KCNK3: variants seen among roughly 807,000 people sequenced by gnomAD.
The protein encoded by KCNK3 is potassium two pore domain channel subfamily K member 3, also known as potassium channel subfamily K member 3.
Under a neutral mutation model 27.3 loss-of-function variants are expected in KCNK3, and 9 were observed. The ratio of observed to expected loss-of-function variants is 0.33; its 90% CI spans 0.20 to 0.57. The LOEUF is 0.57. KCNK3 is among the 20% of genes least tolerant of loss of function. The pLI is 0.87. For synonymous variants in KCNK3, 278 were observed against 273.8 expected, an observed-to-expected ratio of 1.02 and a Z score of -0.15; for missense variants, 391 against 577.7, an observed-to-expected ratio of 0.68 and a Z score of 3.31.
In KCNK3 at chr2:26,721,049, C is replaced by A. The variant is rs907695912; in HGVS notation, c.284-6618C>A. Among the ~76,000 whole-genome samples, 1 of 152,088 alleles carries A rather than the reference C, an allele frequency of 6.6e-6. No homozygotes were observed. Among genetic ancestry groups the A allele is most frequent in the African/African-American group, 2.4e-5 (1 of 41,404 alleles). On this transcript the variant is annotated intron_variant, in intron 1 of 1. Coordinates refer to ENST00000302909, the MANE Select transcript of KCNK3 (RefSeq NM_002246.3). This position sits in a 1 kb window ranked among gnomAD's most constrained non-coding sequence, Gnocchi z 4.3. ...TATGAGTCACCCGAGGCCCTCCTGC[C>A]AAGGGCCACCTCCCGTCCCCATCCT... is the stretch of plus-strand genomic sequence containing the variant.
chr2:26,725,025 G>A (rs1039956320), intron 1 of KCNK3, among the ~76,000 whole-genome samples: 3 of 152,140 alleles, frequency 2.0e-5, no homozygotes, highest in African/African-American at 7.2e-5. Context: ...CAGTCACAGT[G>A]GGCAGTGAGG....
rs1663540191 is a variant in KCNK3 at position 26,731,478 on chromosome 2, T to G, written c.*2910T>G. 1 of 152,442 alleles carries G rather than the reference T, an allele frequency of 6.6e-6. No homozygotes were observed. The highest frequency in any genetic ancestry group is 6.5e-5 in the Admixed American group (1 of 15,288). 9.4% of individuals were successfully genotyped at this position (152,442 alleles called of 1,614,324 possible). ...CCAGCTACTCGGCTACTCAGGAGGC[T>G]GACGCACGAGAATCGCTTGAACCCG... On this transcript the variant is annotated 3_prime_UTR_variant, in exon 2 of 2. Transcript: ENST00000302909.
At chr2:26,696,398 G>T (rs1480686251) in intron 1 of KCNK3, among the ~76,000 whole-genome samples, 1 of 152,180 alleles carries the variant, frequency 6.6e-6, no homozygotes, top group Non-Finnish European at 1.5e-5. Flanking sequence ...TGGTCTTTTG[G>T]CTGCTTCCTT....
In KCNK3 at chr2:26,693,873, C is replaced by G. The variant is rs112133517; in HGVS notation, c.283+715C>G. Among the ~76,000 whole-genome samples, 7,050 of 152,166 alleles carry G rather than the reference C, an allele frequency of 0.046. 558 individuals carry two copies. The highest frequency in any genetic ancestry group is 0.16 in the African/African-American group (6,598 of 41,482). On this transcript the variant is annotated intron_variant, in intron 1 of 1. Coordinates refer to ENST00000302909, the MANE Select transcript of KCNK3 (RefSeq NM_002246.3). The surrounding 1 kb of genome is among the most constrained non-coding windows in gnomAD (Gnocchi z 5.5). ...GCAGATCACCATGTAGGAGGCCACA[C>G]GTACACCCAGACTGTCAGACAACAC...
At chr2:26,700,225 G>T (rs913794711) in intron 1 of KCNK3, among the ~76,000 whole-genome samples, 62 of 152,286 alleles carry the variant, frequency 4.1e-4, no homozygotes, top group Admixed American at 1.4e-3. Context: ...TGACCCCTCC[G>T]CCAGCCTCTG....
At chr2:26,720,197 G>A (rs1250229433) in intron 1 of KCNK3, among the ~76,000 whole-genome samples, 2 of 152,230 alleles carry the variant, frequency 1.3e-5, no homozygotes, top group Non-Finnish European at 2.9e-5. Flanking sequence ...GGAGGTTGCA[G>A]TGAGCTGAGG....
chr2:26,718,419 T>C (rs1663269820), intron 1 of KCNK3, among the ~76,000 whole-genome samples: 1 of 152,228 alleles, frequency 6.6e-6, no homozygotes, highest in African/African-American at 2.4e-5. Flanking sequence ...CCAGAAGAAC[T>C]TGTGCTGTTT....
At chr2:26,708,248 C>T (rs1198773856) in intron 1 of KCNK3, among the ~76,000 whole-genome samples, 1 of 152,124 alleles carries the variant, frequency 6.6e-6, no homozygotes, top group Non-Finnish European at 1.5e-5. Context: ...ATGCAAAGGC[C>T]TCAAGCAGGC....
intron 1 of KCNK3, among the ~76,000 whole-genome samples, chr2:26,715,053 T>A (rs1663204261): frequency 6.6e-6 from 1 of 152,218 alleles, no homozygotes; most frequent in Admixed American, 6.5e-5. Context: ...TCTCCTTAGC[T>A]GAAAAGCCAG....
intron 1 of KCNK3, among the ~76,000 whole-genome samples, chr2:26,706,284 GT>G (rs1471479916): frequency 6.6e-6 from 1 of 151,814 alleles, no homozygotes; most frequent in Non-Finnish European, 1.5e-5. Flanking sequence ...AGAGAAGGTC[GT>G]TTCCCCTCCC....
At chr2:26,727,381 C>A (rs1386181388) in intron 1 of KCNK3, among the ~76,000 whole-genome samples, 1 of 152,224 alleles carries the variant, frequency 6.6e-6, no homozygotes, top group Non-Finnish European at 1.5e-5. Context: ...TGAGGTCAAA[C>A]GGACTCGAGT....
intron 1 of KCNK3, among the ~76,000 whole-genome samples, chr2:26,701,587 A>G (rs1670308716): frequency 6.6e-6 from 1 of 152,238 alleles, no homozygotes; most frequent in Non-Finnish European, 1.5e-5. Context: ...AGCCTGTCTT[A>G]GTTTGGGCTG....
intron 1 of KCNK3, among the ~76,000 whole-genome samples, chr2:26,709,400 C>A (rs1360057748): frequency 6.6e-6 from 1 of 152,074 alleles, no homozygotes; most frequent in South Asian, 2.1e-4. Flanking sequence ...AGGAAGGGAG[C>A]CTGCCAGGAG....
chr2:26,712,261 C>T (rs1321037700), intron 1 of KCNK3, among the ~76,000 whole-genome samples: 2 of 152,180 alleles, frequency 1.3e-5, no homozygotes, highest in Non-Finnish European at 2.9e-5. Context: ...GCAGTGTCCC[C>T]GAGGATGGGG....
intron 1 of KCNK3, among the ~76,000 whole-genome samples, chr2:26,704,839 C>G (rs1004600380): frequency 6.6e-6 from 1 of 152,272 alleles, no homozygotes; most frequent in Non-Finnish European, 1.5e-5. Context: ...CCTCAGGGAG[C>G]CTGCCTCTGT....
At chr2:26,698,819 G>A (rs1265963781) in intron 1 of KCNK3, among the ~76,000 whole-genome samples, 1 of 152,150 alleles carries the variant, frequency 6.6e-6, no homozygotes, top group Non-Finnish European at 1.5e-5. Flanking sequence ...CAAGGGGCTG[G>A]GCGTGGTGGC....
rs549690582 is a variant in KCNK3, at chr2:26,727,808, G to A, written c.425G>A (p.Arg142His). The change falls in exon 2 of 2, where the codon CGC becomes CAC. Residue 142 changes from arginine (R) to histidine (H), a missense_variant. By Grantham distance (29) the Arg-to-His change is conservative (BLOSUM62 0). Around this residue, in one of 4 missense-constraint regions of KCNK3, gnomAD observed 158 missense variants for 267.7 expected, o/e 0.59. Coordinates refer to ENST00000302909, the MANE Select transcript of KCNK3 (RefSeq NM_002246.3). ...INTLVRYLLH[R>H]AKKGLGMRRA... ...ACCTTGGTGAGGTACCTGCTGCACC[G>A]CGCCAAGAAGGGGCTGGGCATGCGG... 1.9e-6 allele frequency: 3 copies of A among 1,611,188 alleles called. No individual in the cohort carries two copies. The highest frequency in any genetic ancestry group is 1.1e-5 in the South Asian group (1 of 90,888).
intron 1 of KCNK3, among the ~76,000 whole-genome samples, chr2:26,708,372 G>A (rs80321430): frequency 2.3e-3 from 356 of 152,294 alleles, no homozygotes; most frequent in Non-Finnish European, 4.4e-3. Context: ...TGGAGACCAT[G>A]GTCAAGAGTT....
Position 26,732,318 on chromosome 2 carries a change from C to A in KCNK3, c.*3750C>A, listed in dbSNP as rs1663555516. ...GCCAATGATTCTAATACGTTCTGTTCTATTGCATGTTATAAAATGCTGGTC... is the reference window on the plus strand; with the variant it reads ...GCCAATGATTCTAATACGTTCTGTTATATTGCATGTTATAAAATGCTGGTC... On this transcript the variant is annotated 3_prime_UTR_variant, in exon 2 of 2. Transcript: ENST00000302909. 6.6e-6 allele frequency: 1 copy of A among 152,208 alleles called. No individual in the cohort carries two copies. The highest frequency in any genetic ancestry group is 6.5e-5 in the Admixed American group (1 of 15,282). 9.4% of individuals were successfully genotyped at this position (152,208 alleles called of 1,614,324 possible).
Sources: gnomAD v4.1 joint callset for allele counts (sites outside exome capture counted in the v4.1 genomes callset) on GRCh38, gnomAD v4.1.1 for gene constraint, gnomAD v4.1.1 regional missense constraint, Gnocchi (gnomAD v3.1) non-coding constraint, MANE v1.5 for transcripts, NCBI Gene and HGNC (gene_info 2026-07-23, HGNC 2026-07-21) for gene names.